MNDA: variants seen among roughly 807,000 people sequenced by gnomAD.
MNDA encodes epididymis secretory sperm binding protein.
A neutral mutation model predicts 37.8 loss-of-function variants in MNDA; 43 were observed. The ratio of observed to expected loss-of-function variants is 1.14; its 90% CI spans 0.89 to 1.47. MNDA has a LOEUF of 1.47. Among genes scored for constraint, MNDA ranks in the 40% most tolerant of loss-of-function variants. The pLI, the probability that MNDA is intolerant of heterozygous loss-of-function variation, is 0.00. For synonymous variants in MNDA, 181 were observed against 169.0 expected, an observed-to-expected ratio of 1.07 and a Z score of -0.55; for missense variants, 536 against 476.0, an observed-to-expected ratio of 1.13 and a Z score of -1.17.
intron 1 of MNDA, among the ~76,000 whole-genome samples, chr1:158,833,884 A>G (rs906634186): frequency 2.0e-5 from 3 of 152,226 alleles, no homozygotes; most frequent in Non-Finnish European, 4.4e-5. Flanking sequence ...AAATTACTGA[A>G]TCATATGGTA....
At position 158,847,873 on chromosome 1, in the gene MNDA, A is replaced by G. The variant is rs1241085356; in HGVS notation, c.1133A>G (p.Asp378Gly). 1.9e-6 allele frequency: 3 copies of G among 1,614,004 alleles called. No individual in the cohort carries two copies. The highest frequency in any genetic ancestry group is 1.7e-6 in the Non-Finnish European group (2 of 1,179,906). Reference sequence around the variant, plus strand: ...TTCTGCCTTCAACTGAGAACAGTTGACCGCAAGCTGAAACTGGTGTGTGGA... The same window carrying G: ...TTCTGCCTTCAACTGAGAACAGTTGGCCGCAAGCTGAAACTGGTGTGTGGA... ...RLFCLQLRTV[D>G]RKLKLVCGSH... is the part of the protein sequence containing the mutation. The change falls in exon 6 of 7, where the codon GAC (aspartate) becomes GGC (glycine). Residue 378 changes from aspartate to glycine, a missense_variant. Physicochemically the swap from Asp to Gly is moderately conservative, Grantham distance 94. Coordinates refer to ENST00000368141, the MANE Select transcript of MNDA (RefSeq NM_002432.3).
intron 5 of MNDA, 48 bp downstream of exon 5, chr1:158,846,051 A>G: frequency 6.7e-7 from 1 of 1,486,022 alleles, no homozygotes. Flanking sequence ...ACCTGGAAAT[A>G]AATGTCTTAA....
At chr1:158,833,266 G>C (rs543103550) in intron 1 of MNDA, among the ~76,000 whole-genome samples, 2 of 152,226 alleles carry the variant, frequency 1.3e-5, no homozygotes, top group African/African-American at 4.8e-5. Flanking sequence ...TGTGGGTATG[G>C]ATATTTTCAC....
Position 158,849,200 on chromosome 1 carries a change from C to A in MNDA, c.1187C>A (p.Ala396Asp). 1.2e-6 allele frequency: 2 copies of A among 1,611,040 alleles called. No individual in the cohort carries two copies. Among genetic ancestry groups the A allele is most frequent in the South Asian group, 1.1e-5 (1 of 90,794 alleles). ...GSHSFIKVIK[A>D]KKNKEGPMNV... ...TATCTCTCTTTAAAGGTCATCAAGG[C>A]CAAGAAAAACAAGGAAGGACCAATG... The change falls in exon 7 of 7, where the codon GCC (alanine) becomes GAC (aspartate). Residue 396 changes from alanine (A) to aspartate (D), a missense_variant. Coordinates refer to ENST00000368141, the MANE Select transcript of MNDA (RefSeq NM_002432.3).
At chr1:158,844,299 C>G (rs1460587780) in intron 4 of MNDA, among the ~76,000 whole-genome samples, 177 bp downstream of exon 4, 1 of 151,654 alleles carries the variant, frequency 6.6e-6, no homozygotes, top group Non-Finnish European at 1.5e-5. Context: ...CAAGTAAAGT[C>G]CAATTACCTA....
chr1:158,835,881 G>T (rs1658902394), intron 1 of MNDA, among the ~76,000 whole-genome samples: 1 of 151,758 alleles, frequency 6.6e-6, no homozygotes, highest in South Asian at 2.1e-4. Context: ...TGCATCAATT[G>T]AGATGATCAT....
rs1473550099 is a variant in MNDA at position 158,845,779 on chromosome 1, A to C, written c.763A>C (p.Asn255His). ...QYFHVKVFDINLKEKFVRKKV... is the reference protein window; with the variant it reads ...QYFHVKVFDIHLKEKFVRKKV... ...TTTCCATGTGAAAGTCTTCGACATC[A>C]ACTTGAAAGAGAAATTTGTAAGGAA... Residue 255 changes from asparagine to histidine, a missense_variant, in exon 5 of 7, where the codon AAC becomes CAC. Coordinates refer to ENST00000368141, the MANE Select transcript of MNDA (RefSeq NM_002432.3). 6.2e-7 allele frequency: 1 copy of C among 1,613,984 alleles called. No individual in the cohort carries two copies. The highest frequency in any genetic ancestry group is 8.5e-7 in the Non-Finnish European group (1 of 1,180,000).
At chr1:158,848,731 G>A (rs1659192397) in intron 6 of MNDA, among the ~76,000 whole-genome samples, 1 of 152,066 alleles carries the variant, frequency 6.6e-6, no homozygotes, top group South Asian at 2.1e-4. Context: ...ATTAGGCTTG[G>A]GGCAGAGATA....
rs992482021 is a variant in MNDA, at chr1:158,831,551, C to A, written c.-27C>A. The A allele has an allele frequency of 1.3e-5, 2 of 152,116 alleles. No individual in the cohort carries two copies. Among genetic ancestry groups the A allele is most frequent in the South Asian group, 4.1e-4 (2 of 4,834 alleles). The allele number at this position is 152,116 out of a possible 1,614,324, so 9.4% of individuals were successfully genotyped here. On this transcript the variant is annotated 5_prime_UTR_variant, in exon 1 of 7. Coordinates refer to ENST00000368141, the MANE Select transcript of MNDA (RefSeq NM_002432.3). ...TGAAGACTATTGTGGAAGAAGCATC[C>A]ATTAAGGTGAGATTTCTGGGAAGTT... is the stretch of plus-strand genomic sequence containing the variant.
chr1:158,837,221 A>G (rs11265085), intron 1 of MNDA, among the ~76,000 whole-genome samples: 26,461 of 151,826 alleles, frequency 0.17, 2,543 homozygotes, highest in Admixed American at 0.26. Flanking sequence ...TAATTGGTCT[A>G]TAAGTGGTCT....
chr1:158,837,574 T>C (rs1389355688), intron 1 of MNDA, among the ~76,000 whole-genome samples: 2 of 151,954 alleles, frequency 1.3e-5, no homozygotes, highest in Admixed American at 6.5e-5. Context: ...TCCTTCACTT[T>C]CTATCTTTGT....
At chr1:158,843,926 C>G in intron 3 of MNDA, 29 bp from the exon 4 acceptor site, 5 of 1,550,322 alleles carry the variant, frequency 3.2e-6, no homozygotes, top group Non-Finnish European at 3.5e-6. Context: ...TACTAAACTC[C>G]ATTAACAGGA....
At chr1:158,848,494 T>C (rs1659185034) in intron 6 of MNDA, among the ~76,000 whole-genome samples, 1 of 151,772 alleles carries the variant, frequency 6.6e-6, no homozygotes, top group Non-Finnish European at 1.5e-5. Flanking sequence ...TGAAATTCAG[T>C]AGATGCAGAA....
chr1:158,843,806 T>C, intron 3 of MNDA, 149 bp from the exon 4 acceptor site: 1 of 688,844 alleles, frequency 1.5e-6, no homozygotes, highest in East Asian at 2.8e-5. Flanking sequence ...TGTCCATATC[T>C]TCAAGTGACA....
At chr1:158,848,309 A>T (rs1441235544) in intron 6 of MNDA, among the ~76,000 whole-genome samples, 1 of 152,180 alleles carries the variant, frequency 6.6e-6, no homozygotes, top group Admixed American at 6.5e-5. Flanking sequence ...GATGGTTTAA[A>T]CATTCAGACA....
intron 5 of MNDA, among the ~76,000 whole-genome samples, chr1:158,846,809 C>T (rs1003072849): frequency 3.6e-4 from 54 of 152,070 alleles, no homozygotes; most frequent in African/African-American, 1.3e-3. Flanking sequence ...TCAATATAGC[C>T]CCTTAAATTT....
Position 158,845,527 on chromosome 1 carries a change from AC to A in MNDA, c.571-58del, listed in dbSNP as rs1303001152. On this transcript the variant is annotated intron_variant, in intron 4 of 6. Coordinates refer to ENST00000368141, the MANE Select transcript of MNDA (RefSeq NM_002432.3). The stretch of plus-strand genomic sequence containing the variant: ...AGTGCTAGGATTACAGGCGTGAGCC[AC>A]CGCGCCCGGCCTCCTGCTCAAAGTT... The A allele has an allele frequency of 2.0e-6, 3 of 1,524,790 alleles. No homozygotes were observed. The African/African-American group carries it at 4.2e-5, about 21-fold the overall frequency. The allele number at this position is 1,524,790 out of a possible 1,614,324, so 94.5% of individuals were successfully genotyped here.
chr1:158,842,433 C>T lies in MNDA; in HGVS notation c.265+15C>T, dbSNP rs781039580. The T allele has an allele frequency of 6.2e-7, 1 of 1,600,666 alleles. No homozygotes were observed. Among genetic ancestry groups the T allele is most frequent in the Non-Finnish European group, 8.5e-7 (1 of 1,174,170 alleles). On this transcript the variant is annotated intron_variant, in intron 2 of 6. Coordinates refer to ENST00000368141, the MANE Select transcript of MNDA (RefSeq NM_002432.3). The stretch of plus-strand genomic sequence containing the variant: ...GAAGTCAAAAGGTAATAGAGAAAAC[C>T]TTGCACATAGCTACTCTGCCTTGAG...
At chr1:158,843,873 T>C (rs1659079618) in intron 3 of MNDA, 82 bp from the exon 4 acceptor site, 4 of 1,243,482 alleles carry the variant, frequency 3.2e-6, no homozygotes, top group Non-Finnish European at 4.4e-6. Context: ...TAGAACTTAC[T>C]ATGTTGTAAT....
Sources: gnomAD v4.1 joint callset for allele counts (sites outside exome capture counted in the v4.1 genomes callset) on GRCh38, gnomAD v4.1.1 for gene constraint, MANE v1.5 for transcripts, NCBI Gene and HGNC (gene_info 2026-07-23, HGNC 2026-07-21) for gene names.